PTPRN2: variants seen among roughly 807,000 people sequenced by gnomAD.
The protein encoded by PTPRN2 is receptor-type tyrosine-protein phosphatase N2.
In PTPRN2, 74 loss-of-function variants were observed where a neutral mutation model predicts 118.8. The ratio of observed to expected loss-of-function variants is 0.62; its 90% CI spans 0.52 to 0.76. PTPRN2 has a LOEUF of 0.76. PTPRN2 is among the 30% of genes least tolerant of loss of function. PTPRN2 has a pLI of 0.00. For missense variants in PTPRN2, 1,481 were observed against 1,394.4 expected (o/e 1.06, Z -0.99); for synonymous variants, 641 against 608.0 (o/e 1.05, Z -0.80).
chr7:157,791,026 G>T (rs1002383652), intron 12 of PTPRN2, among the ~76,000 whole-genome samples: 1 of 152,018 alleles, frequency 6.6e-6, no homozygotes, highest in Non-Finnish European at 1.5e-5. Context: ...AAGTAATTTG[G>T]CAATAAAAAT....
intron 12 of PTPRN2, chr7:157,740,159 C>G (rs1402839124): frequency 2.0e-5 from 3 of 152,268 alleles, no homozygotes; most frequent in Non-Finnish European, 1.5e-5. Flanking sequence ...CATACACCCA[C>G]TTTGCTTTGT....
At position 158,204,211 on chromosome 7, in the gene PTPRN2, C is replaced by T. The variant is rs564316653; in HGVS notation, c.380+960G>A. Among the ~76,000 whole-genome samples, 209 of 144,256 alleles carry T rather than the reference C, an allele frequency of 1.4e-3. 1 individual carries two copies. Among genetic ancestry groups the T allele is most frequent in the African/African-American group, 4.8e-3 (184 of 38,290 alleles). The allele number at this position is 144,256 out of a possible 152,430, so 94.6% of individuals were successfully genotyped here. On this transcript the variant is annotated intron_variant, in intron 4 of 22. Transcript: ENST00000389418. ...CTCAGCGTGCGCCGTGTGGTGAAGACGAAGCCCCCGCCCTCGGTGTGCGCC... is the reference window on the plus strand; with the variant it reads ...CTCAGCGTGCGCCGTGTGGTGAAGATGAAGCCCCCGCCCTCGGTGTGCGCC...
intron 14 of PTPRN2, among the ~76,000 whole-genome samples, chr7:157,644,534 A>G (rs994649795): frequency 1.1e-4 from 17 of 152,206 alleles, no homozygotes; most frequent in African/African-American, 3.1e-4. Flanking sequence ...GCGGTGGCTC[A>G]TGCCTGTAAT....
chr7:157,604,458 C>T (rs1305646425), intron 15 of PTPRN2, among the ~76,000 whole-genome samples: 3 of 152,234 alleles, frequency 2.0e-5, no homozygotes, highest in African/African-American at 4.8e-5. Context: ...TTTTCCCCCA[C>T]GTGGAGTTCA....
rs536924500 is a variant in PTPRN2 at position 158,040,386 on chromosome 7, T to G, written c.1723+40912A>C. The stretch of plus-strand genomic sequence containing the variant: ...ATGCACACACACACGTGCATACACA[T>G]GTGCACACACTTCACACACACACAC... On this transcript the variant is annotated intron_variant, in intron 11 of 22. Transcript: ENST00000389418. Among the ~76,000 whole-genome samples, 33 of 145,442 alleles carry G rather than the reference T, an allele frequency of 2.3e-4. No homozygotes were observed. The South Asian group carries it at 3.8e-3, about 17-fold the overall frequency.
intron 12 of PTPRN2, among the ~76,000 whole-genome samples, chr7:157,878,341 G>A (rs975036209): frequency 2.0e-5 from 3 of 150,132 alleles, no homozygotes; most frequent in Non-Finnish European, 4.4e-5. Context: ...GGGCTGGAAG[G>A]GTCAGTGTGA....
At chr7:158,364,970 A>C (rs549949095) in intron 2 of PTPRN2, among the ~76,000 whole-genome samples, 1 of 49,732 alleles carries the variant, frequency 2.0e-5, no homozygotes, top group African/African-American at 1.0e-4. Flanking sequence ...GTGCACCCAC[A>C]ACACACACAT....
rs79991634 is a variant in PTPRN2, at chr7:157,806,739, T to C, written c.1788+91934A>G. Among the ~76,000 whole-genome samples, 1,159 of 152,346 alleles carry C rather than the reference T, an allele frequency of 7.6e-3. 38 individuals are homozygous for C. The South Asian group carries it at 0.1, about 14-fold the overall frequency. On this transcript the variant is annotated intron_variant, in intron 12 of 22. Transcript: ENST00000389418. ...GGAGGCCAGGATGATTTCCGTGGCCTGCCAGTTTCTCAGAGCTATCTGGGT... is the reference window on the plus strand; with the variant it reads ...GGAGGCCAGGATGATTTCCGTGGCCCGCCAGTTTCTCAGAGCTATCTGGGT...
chr7:158,425,959 G>C (rs1479954966), intron 2 of PTPRN2, among the ~76,000 whole-genome samples: 10 of 124,896 alleles, frequency 8.0e-5, no homozygotes, highest in Non-Finnish European at 9.9e-5. Flanking sequence ...CGGGAAAGAC[G>C]CAGAGTCCGA....
chr7:158,234,866 G>A (rs919467364), intron 3 of PTPRN2, among the ~76,000 whole-genome samples: 12 of 152,072 alleles, frequency 7.9e-5, no homozygotes, highest in African/African-American at 2.2e-4. Flanking sequence ...GGATTCAAGC[G>A]ATTCTCCTGC....
intron 21 of PTPRN2, among the ~76,000 whole-genome samples, chr7:157,561,847 C>T (rs769967169): frequency 1.3e-5 from 2 of 152,256 alleles, no homozygotes; most frequent in Non-Finnish European, 2.9e-5. Context: ...TGGGGCTTCT[C>T]TGTTTTGCTC....
chr7:158,333,833 C>T (rs1184358007), intron 2 of PTPRN2, among the ~76,000 whole-genome samples: 3 of 141,592 alleles, frequency 2.1e-5, no homozygotes, highest in Non-Finnish European at 3.1e-5. Flanking sequence ...CACACCCACA[C>T]TCTCACCATA....
intron 12 of PTPRN2, among the ~76,000 whole-genome samples, chr7:157,748,225 A>T (rs1801143095): frequency 2.0e-5 from 3 of 147,716 alleles, no homozygotes; most frequent in African/African-American, 2.5e-5. Context: ...GGTAATTCTG[A>T]GGCCTGCGTC....
At chr7:158,523,231 G>T (rs146084137) in intron 1 of PTPRN2, among the ~76,000 whole-genome samples, 1 of 152,182 alleles carries the variant, frequency 6.6e-6, no homozygotes, top group Non-Finnish European at 1.5e-5. Context: ...GACCAGGGGC[G>T]GGGGTGGTGG....
At chr7:158,174,986 G>A (rs911592631) in intron 5 of PTPRN2, among the ~76,000 whole-genome samples, 4 of 152,162 alleles carry the variant, frequency 2.6e-5, no homozygotes, top group Admixed American at 6.5e-5. Flanking sequence ...AGTCCCAAAG[G>A]CACAATTATG....
rs190593446 is a variant in PTPRN2, at chr7:158,572,052, G to A, written c.112+15506C>T. Among the ~76,000 whole-genome samples, 178 of 152,316 alleles carry A rather than the reference G, an allele frequency of 1.2e-3. 1 individual carries two copies. The highest frequency in any genetic ancestry group is 4.2e-3 in the African/African-American group (173 of 41,570). ...GAAGCACAGAAGGTTCTGAAAGGCAGGGAAGGTTCTAGAAGGCAGAAAAGG... is the reference window on the plus strand; with the variant it reads ...GAAGCACAGAAGGTTCTGAAAGGCAAGGAAGGTTCTAGAAGGCAGAAAAGG... On this transcript the variant is annotated intron_variant, in intron 1 of 22. Transcript: ENST00000389418.
chr7:158,155,796 C>CCATCATCATCAA (rs1821766114), intron 6 of PTPRN2, among the ~76,000 whole-genome samples: 2 of 151,732 alleles, frequency 1.3e-5, no homozygotes, highest in African/African-American at 4.8e-5. Context: ...ATCATCAACA[C>CCATCATCATCAA]CATCATCATC....
chr7:158,246,853 G>A (rs557621389), intron 3 of PTPRN2, among the ~76,000 whole-genome samples: 1 of 152,070 alleles, frequency 6.6e-6, no homozygotes, highest in Non-Finnish European at 1.5e-5. Flanking sequence ...GACCCACGAT[G>A]GGAAAAGTCA....
At chr7:158,250,700 C>T (rs1370529336) in intron 3 of PTPRN2, among the ~76,000 whole-genome samples, 1 of 152,148 alleles carries the variant, frequency 6.6e-6, no homozygotes, top group African/African-American at 2.4e-5. Flanking sequence ...TGTTTTTTGA[C>T]GTGATGCAAA....
Sources: allele counts gnomAD v4.1 joint callset (sites outside exome capture counted in the v4.1 genomes callset), GRCh38; gene constraint gnomAD v4.1.1; transcripts MANE v1.5; gene names NCBI Gene and HGNC (gene_info 2026-07-23, HGNC 2026-07-21).